Variants in DNAJB6 observed in about 807,000 individuals in gnomAD.
DNAJB6 encodes dnaJ homolog subfamily B member 6.
In DNAJB6, 16 loss-of-function variants were observed where a neutral mutation model predicts 42.7. That is an observed-to-expected ratio of 0.37 (90% CI 0.25 to 0.57). DNAJB6 has a LOEUF of 0.57. Ranked by LOEUF, DNAJB6 falls within the 20% of genes least tolerant of loss-of-function variation. The pLI is 0.74. For synonymous variants in DNAJB6, 170 were observed against 163.5 expected, an observed-to-expected ratio of 1.04 and a Z score of -0.30; for missense variants, 347 against 416.8, an observed-to-expected ratio of 0.83 and a Z score of 1.46.
chr7:157,354,018 C>A (rs78789431), intron 1 of DNAJB6, among the ~76,000 whole-genome samples: 1 of 152,084 alleles, frequency 6.6e-6, no homozygotes, highest in Non-Finnish European at 1.5e-5. Flanking sequence ...CTAGCATTAG[C>A]CAGTATAGTA....
intron 8 of DNAJB6, among the ~76,000 whole-genome samples, chr7:157,406,571 G>A (rs1795774290): frequency 6.6e-6 from 1 of 152,230 alleles, no homozygotes; most frequent in Admixed American, 6.5e-5. Flanking sequence ...CGGAGTGGCT[G>A]AGCTGTGCAG....
At chr7:157,401,250 A>T (rs1214421367) in intron 8 of DNAJB6, among the ~76,000 whole-genome samples, 1 of 151,410 alleles carries the variant, frequency 6.6e-6, no homozygotes, top group African/African-American at 2.4e-5. Flanking sequence ...AAGGAGTCTC[A>T]CTCTGTTGCC....
At chr7:157,374,901 ACAGTCACCT>A in intron 5 of DNAJB6, among the ~76,000 whole-genome samples, 1 of 152,288 alleles carries the variant, frequency 6.6e-6, no homozygotes, top group South Asian at 2.1e-4. Flanking sequence ...TGTTGGCATG[ACAGTCACCT>A]GAGCAAGACG....
chr7:157,372,080 G>C (rs1800237217), intron 5 of DNAJB6: 1 of 152,460 alleles, frequency 6.6e-6, no homozygotes, highest in Non-Finnish European at 1.5e-5. Flanking sequence ...AGTGCATTGA[G>C]GATAGTAACC....
At chr7:157,398,100 C>T (rs1801684373) in intron 8 of DNAJB6, among the ~76,000 whole-genome samples, 2 of 152,266 alleles carry the variant, frequency 1.3e-5, no homozygotes, top group South Asian at 4.1e-4. Context: ...CAGATGGCGT[C>T]TGCCATTCCA....
Position 157,358,625 on chromosome 7 carries a change from A to T in DNAJB6, c.53A>T (p.Asp18Val). ...LGVQRHASPE[D>V]IKKAYRKLAL... is the part of the protein sequence containing the mutation. ...GTGCAGAGACATGCCTCACCCGAGG[A>T]TATTAAAAAGGCGTAAGTAGTTTTA... The change falls in exon 2 of 10, where the codon GAT becomes GTT. Residue 18 changes from aspartate (D) to valine (V), a missense_variant. Asp to Val is a radical substitution (Grantham distance 152). Coordinates refer to ENST00000262177, the MANE Select transcript of DNAJB6 (RefSeq NM_058246.4). 1 of 1,613,026 alleles carries T rather than the reference A, an allele frequency of 6.2e-7. No individual in the cohort carries two copies. Among genetic ancestry groups the T allele is most frequent in the Non-Finnish European group, 8.5e-7 (1 of 1,178,942 alleles).
At chr7:157,374,842 TGTG>T (rs1414943100) in intron 5 of DNAJB6, among the ~76,000 whole-genome samples, 1 of 152,328 alleles carries the variant, frequency 6.6e-6, no homozygotes, top group East Asian at 1.9e-4. Context: ...CCTTGTATTT[TGTG>T]GTGTTGGTCC....
intron 5 of DNAJB6, 53 bp from the exon 6 acceptor site, chr7:157,382,193 G>A (rs1800815417): frequency 1.3e-5 from 20 of 1,521,360 alleles, no homozygotes; most frequent in Non-Finnish European, 1.7e-5. Flanking sequence ...TATCACATGA[G>A]GAAAAAAACT....
At chr7:157,353,078 AT>A (rs551030018) in intron 1 of DNAJB6, among the ~76,000 whole-genome samples, 63 of 148,710 alleles carry the variant, frequency 4.2e-4, no homozygotes, top group African/African-American at 5.4e-4. Context: ...GCCCTATCAA[AT>A]TTTTTTTTTT....
intron 8 of DNAJB6, among the ~76,000 whole-genome samples, chr7:157,397,858 AC>A (rs1801669853): frequency 6.6e-6 from 1 of 152,138 alleles, no homozygotes; most frequent in African/African-American, 2.4e-5. Context: ...CCTGTTTAAA[AC>A]TGTTCAGGAG....
chr7:157,374,328 C>T (rs530876121), intron 5 of DNAJB6, among the ~76,000 whole-genome samples: 3 of 152,156 alleles, frequency 2.0e-5, no homozygotes, highest in South Asian at 2.1e-4. Flanking sequence ...GGCGTGATCT[C>T]GGCTCACTGC....
At chr7:157,353,592 T>G (rs1382449468) in intron 1 of DNAJB6, among the ~76,000 whole-genome samples, 1 of 133,044 alleles carries the variant, frequency 7.5e-6, no homozygotes, top group Non-Finnish European at 1.7e-5. Context: ...CCGGGGTGTG[T>G]GTGTGTGTGT....
chr7:157,355,914 C>T (rs150138856), intron 1 of DNAJB6, among the ~76,000 whole-genome samples: 4 of 152,318 alleles, frequency 2.6e-5, no homozygotes, highest in East Asian at 1.9e-4. Flanking sequence ...CAGCTGGCCA[C>T]GCGGCCCTCA....
rs183027544 is a variant in DNAJB6, at chr7:157,372,451, C to G, written c.346+4968C>G. 1.6e-4 allele frequency among the ~76,000 whole-genome samples: 24 copies of G among 152,312 alleles called. No individual in the cohort carries two copies. The East Asian group carries it at 4.4e-3, about 28-fold the overall frequency. Reference sequence around the variant, plus strand: ...AGCCGCTGAGTGAGGAGGAGCACAGCGGGCCAGAGCTGGGGCGCTGCCGGC... The same window carrying G: ...AGCCGCTGAGTGAGGAGGAGCACAGGGGGCCAGAGCTGGGGCGCTGCCGGC... On this transcript the variant is annotated intron_variant, in intron 5 of 9. Coordinates refer to ENST00000262177, the MANE Select transcript of DNAJB6 (RefSeq NM_058246.4).
At chr7:157,406,875 C>A (rs762863789) in intron 8 of DNAJB6, among the ~76,000 whole-genome samples, 3 of 152,212 alleles carry the variant, frequency 2.0e-5, no homozygotes, top group Non-Finnish European at 4.4e-5. Flanking sequence ...TGCAAAACCT[C>A]CCCCAGAGCA....
At chr7:157,365,167 T>C (rs1468199648) in intron 3 of DNAJB6, among the ~76,000 whole-genome samples, 1 of 152,230 alleles carries the variant, frequency 6.6e-6, no homozygotes, top group Admixed American at 6.5e-5. Flanking sequence ...TTGCCCAGGC[T>C]GGTCTTGAAC....
chr7:157,388,792 C>A (rs1801205377), intron 8 of DNAJB6, among the ~76,000 whole-genome samples: 1 of 152,050 alleles, frequency 6.6e-6, no homozygotes. Context: ...GCTCAATAAT[C>A]TGTATTTTTG....
At chr7:157,366,395 C>T (rs563691302) in intron 3 of DNAJB6, 107 bp from the exon 4 acceptor site, 2 of 1,011,858 alleles carry the variant, frequency 2.0e-6, no homozygotes, top group East Asian at 2.5e-5. Context: ...CCTTGAAATT[C>T]AGTTGTAAAA....
chr7:157,412,625 G>C (rs1220762927), intron 9 of DNAJB6: 1 of 152,184 alleles, frequency 6.6e-6, no homozygotes, highest in Non-Finnish European at 1.5e-5. Flanking sequence ...CTGGGTGCCT[G>C]GAAGATCCCA....
Sources: gnomAD v4.1 joint callset for allele counts (sites outside exome capture counted in the v4.1 genomes callset) on GRCh38, gnomAD v4.1.1 for gene constraint, MANE v1.5 for transcripts, NCBI Gene and HGNC (gene_info 2026-07-23, HGNC 2026-07-21) for gene names.